Variants in SNTG2 observed in about 807,000 individuals in gnomAD.
SNTG2 encodes the protein gamma-2-syntrophin.
SNTG2 carries 74 observed loss-of-function variants against 70.9 expected under a neutral mutation model. The ratio of observed to expected loss-of-function variants is 1.04; its 90% CI spans 0.86 to 1.27. The LOEUF (loss-of-function observed/expected upper bound fraction) is 1.27, where lower values mean the gene tolerates loss of function less well. Among genes scored for constraint, SNTG2 ranks in the 50% most tolerant of loss-of-function variants. The pLI, the probability that SNTG2 is intolerant of heterozygous loss-of-function variation, is 0.00. For synonymous variants in SNTG2, 278 were observed against 273.8 expected (o/e 1.02, Z -0.15); for missense variants, 717 against 690.7 (o/e 1.04, Z -0.43).
chr2:1,299,677 A>G (rs1680366196), intron 14 of SNTG2, among the ~76,000 whole-genome samples: 1 of 152,200 alleles, frequency 6.6e-6, no homozygotes, highest in East Asian at 1.9e-4. Flanking sequence ...GAAGCAACCC[A>G]CAAGAAACGT....
chr2:1,191,454 C>T (rs533612081), intron 8 of SNTG2, among the ~76,000 whole-genome samples: 3 of 152,138 alleles, frequency 2.0e-5, no homozygotes, highest in African/African-American at 4.8e-5. Flanking sequence ...CAACTGTGGC[C>T]GTGGGATCAG....
intron 14 of SNTG2, among the ~76,000 whole-genome samples, chr2:1,289,619 G>A (rs1276847275): frequency 6.6e-6 from 1 of 152,178 alleles, no homozygotes; most frequent in Admixed American, 6.5e-5. Flanking sequence ...TTTGGAGTAG[G>A]ACCCTTATTT....
chr2:1,049,327 C>T (rs983441406), intron 1 of SNTG2, among the ~76,000 whole-genome samples: 3 of 152,186 alleles, frequency 2.0e-5, no homozygotes, highest in African/African-American at 7.2e-5. Flanking sequence ...CCATTCTTCC[C>T]TCCCTCTCAA....
chr2:1,165,653 A>G lies in SNTG2; in HGVS notation c.499+18A>G. ...CCCGTTAGGTAAGTGGGAAGAGGAG[A>G]AATGCCAGGGTGCTGGAGAAATTCC... On this transcript the variant is annotated intron_variant, in intron 7 of 16. Coordinates refer to ENST00000308624, the MANE Select transcript of SNTG2 (RefSeq NM_018968.4). The G allele has an allele frequency of 6.3e-7, 1 of 1,598,340 alleles. No homozygotes were observed. The highest frequency in any genetic ancestry group is 8.6e-7 in the Non-Finnish European group (1 of 1,169,522).
In SNTG2 at chr2:1,246,675, G is replaced by A. The variant is rs148561534; in HGVS notation, c.889-652G>A. Reference sequence around the variant, plus strand: ...TATAATGAAATTACTCCTGGTACTTGCTACAAAATATGTCACATTAAAATT... The same window carrying A: ...TATAATGAAATTACTCCTGGTACTTACTACAAAATATGTCACATTAAAATT... On this transcript the variant is annotated intron_variant, in intron 11 of 16. Coordinates refer to ENST00000308624, the MANE Select transcript of SNTG2 (RefSeq NM_018968.4). Among the ~76,000 whole-genome samples, 331 of 152,258 alleles carry A rather than the reference G, an allele frequency of 2.2e-3. 4 individuals are homozygous for A. The highest frequency in any genetic ancestry group is 7.3e-3 in the African/African-American group (304 of 41,546).
At chr2:1,061,522 A>T (rs1271466754) in intron 1 of SNTG2, among the ~76,000 whole-genome samples, 1 of 152,236 alleles carries the variant, frequency 6.6e-6, no homozygotes, top group African/African-American at 2.4e-5. Flanking sequence ...TTAAAGTTTC[A>T]AAGTTTCCTA....
intron 16 of SNTG2, among the ~76,000 whole-genome samples, chr2:1,359,909 G>A (rs1661047712): frequency 6.6e-6 from 1 of 151,860 alleles, no homozygotes; most frequent in South Asian, 2.1e-4. Flanking sequence ...ATTTTACTTT[G>A]TCCATATCTT....
chr2:1,269,960 T>G (rs147752091), intron 14 of SNTG2, among the ~76,000 whole-genome samples: 14,104 of 152,132 alleles, frequency 0.093, 719 homozygotes, highest in South Asian at 0.15. Context: ...GGGAAGAACT[T>G]CTGGGGCCGT....
At chr2:1,122,002 C>T (rs1029784524) in intron 4 of SNTG2, among the ~76,000 whole-genome samples, 17 of 151,974 alleles carry the variant, frequency 1.1e-4, no homozygotes, top group Non-Finnish European at 1.9e-4. Flanking sequence ...AATTGGACTA[C>T]CTAGAGGAAA....
At chr2:1,126,147 T>TA (rs1383881994) in intron 4 of SNTG2, among the ~76,000 whole-genome samples, 1 of 152,188 alleles carries the variant, frequency 6.6e-6, no homozygotes, top group Non-Finnish European at 1.5e-5. Context: ...ACATCTCTCT[T>TA]ACCTCCTCCC....
intron 9 of SNTG2, among the ~76,000 whole-genome samples, chr2:1,222,432 G>A (rs1348415170): frequency 1.3e-5 from 2 of 152,282 alleles, no homozygotes; most frequent in Non-Finnish European, 2.9e-5. Context: ...AGTTTGTGAT[G>A]AAAATGAACA....
intron 1 of SNTG2, among the ~76,000 whole-genome samples, chr2:970,793 A>T (rs2147955801): frequency 6.6e-6 from 1 of 152,020 alleles, no homozygotes; most frequent in East Asian, 1.9e-4. Context: ...CAGTAATGGG[A>T]TGGCTGGGTC....
chr2:1,158,228 A>G (rs1572597838), intron 6 of SNTG2: 4 of 152,272 alleles, frequency 2.6e-5, no homozygotes, highest in Admixed American at 2.0e-4. Context: ...GGAGTTATTC[A>G]TAAATTAAAC....
intron 16 of SNTG2, among the ~76,000 whole-genome samples, chr2:1,329,559 T>G (rs1274116523): frequency 6.6e-6 from 1 of 152,148 alleles, no homozygotes; most frequent in Non-Finnish European, 1.5e-5. Flanking sequence ...GCTGCCTGTC[T>G]ACGCACAATG....
chr2:1,316,484 C>T (rs564748282), intron 16 of SNTG2, 109 bp downstream of exon 16: 7 of 338,452 alleles, frequency 2.1e-5, no homozygotes, highest in Non-Finnish European at 3.7e-5. Flanking sequence ...AAAAATAAAC[C>T]AATAGGTCCT....
chr2:1,355,555 C>T (rs1156887239), intron 16 of SNTG2, among the ~76,000 whole-genome samples: 1 of 152,218 alleles, frequency 6.6e-6, no homozygotes, highest in Non-Finnish European at 1.5e-5. Flanking sequence ...AACGTACCTG[C>T]ATACACCATA....
At chr2:1,289,902 G>A (rs888237114) in intron 14 of SNTG2, among the ~76,000 whole-genome samples, 1 of 152,306 alleles carries the variant, frequency 6.6e-6, no homozygotes, top group East Asian at 1.9e-4. Flanking sequence ...GTCTGTTTGT[G>A]CCTGACTTAT....
At chr2:1,358,068 C>T (rs368650342) in intron 16 of SNTG2, among the ~76,000 whole-genome samples, 41 of 152,044 alleles carry the variant, frequency 2.7e-4, no homozygotes, top group African/African-American at 9.2e-4. Flanking sequence ...CACTTTTTTT[C>T]TGTGCCCTCA....
intron 6 of SNTG2, chr2:1,163,516 T>C (rs1670484168): frequency 1.6e-5 from 2 of 125,146 alleles, no homozygotes; most frequent in Admixed American, 1.5e-4. Flanking sequence ...CAACAGGAAG[T>C]GGCATGTGAG....
Sources: gnomAD v4.1 joint callset for allele counts (sites outside exome capture counted in the v4.1 genomes callset) on GRCh38, gnomAD v4.1.1 for gene constraint, MANE v1.5 for transcripts, NCBI Gene and HGNC (gene_info 2026-07-23, HGNC 2026-07-21) for gene names.